The following MAPK9 variants were observed in gnomAD, a reference collection of about 807,000 sequenced individuals.
MAPK9 encodes mitogen-activated protein kinase 9.
A neutral mutation model predicts 57.1 loss-of-function variants in MAPK9; 30 were observed. That is an observed-to-expected ratio of 0.53 (90% CI 0.39 to 0.71). The LOEUF is 0.71. Among genes scored for constraint, MAPK9 ranks in the 30% least tolerant of loss-of-function variants. The pLI is 0.00. For missense variants in MAPK9, 362 were observed against 521.0 expected, an observed-to-expected ratio of 0.69 and a Z score of 2.97; for synonymous variants, 155 against 177.0, an observed-to-expected ratio of 0.88 and a Z score of 0.99.
In MAPK9 at chr5:180,249,113, A is replaced by G; in HGVS notation, c.476T>C (p.Val159Ala). 1 of 1,610,914 alleles carries G rather than the reference A, an allele frequency of 6.2e-7. No homozygotes were observed. The highest frequency in any genetic ancestry group is 1.1e-5 in the South Asian group (1 of 90,406). The change falls in exon 6 of 12, where the codon GTG becomes GCG. Residue 159 changes from valine (V) to alanine (A), a missense_variant. Coordinates refer to ENST00000452135, the MANE Select transcript of MAPK9 (RefSeq NM_002752.5). ...HRDLKPSNIV[V>A]KSDCTLKILD... ...GATCTTCAGGGTGCAGTCTGATTTC[A>G]CAACAATGTTGCTAGGCTTCAAATC...
chr5:180,286,586 G>T (rs1762791631), intron 1 of MAPK9, among the ~76,000 whole-genome samples: 1 of 151,692 alleles, frequency 6.6e-6, no homozygotes, highest in Non-Finnish European at 1.5e-5. Context: ...CTAGCATTTG[G>T]TTATCACTTC....
chr5:180,262,427 T>A (rs1760075595), intron 4 of MAPK9, among the ~76,000 whole-genome samples: 1 of 152,102 alleles, frequency 6.6e-6, no homozygotes, highest in South Asian at 2.1e-4. Context: ...TCCCTTCTTT[T>A]TATTTTTTAA....
chr5:180,277,556 C>A (rs1761935142), intron 2 of MAPK9, among the ~76,000 whole-genome samples: 1 of 152,180 alleles, frequency 6.6e-6, no homozygotes, highest in Admixed American at 6.5e-5. Flanking sequence ...AAGAAATATA[C>A]AAATTCCAGG....
intron 5 of MAPK9, chr5:180,253,647 G>A (rs1758941284): frequency 6.6e-6 from 1 of 152,228 alleles, no homozygotes; most frequent in African/African-American, 2.4e-5. Context: ...CAGCTTCCAG[G>A]TGCAGGGCCA....
intron 9 of MAPK9, 115 bp from the exon 10 acceptor site, chr5:180,240,102 T>C (rs1757525198): frequency 5.5e-6 from 4 of 721,844 alleles, no homozygotes; most frequent in Non-Finnish European, 9.6e-6. Context: ...GGATTTAGTT[T>C]AATTCAACAC....
chr5:180,261,022 G>A (rs550484311), intron 5 of MAPK9, among the ~76,000 whole-genome samples: 3 of 152,034 alleles, frequency 2.0e-5, no homozygotes, highest in Non-Finnish European at 4.4e-5. Flanking sequence ...AATCAGCTTA[G>A]AGAGAATTAT....
At chr5:180,256,486 C>G (rs751890860) in intron 5 of MAPK9, among the ~76,000 whole-genome samples, 84 of 152,244 alleles carry the variant, frequency 5.5e-4, no homozygotes, top group Non-Finnish European at 1.1e-3. Context: ...AGTGAGCATG[C>G]ATCACTCTCC....
chr5:180,290,667 A>G (rs2127638060), intron 1 of MAPK9, among the ~76,000 whole-genome samples: 2 of 152,394 alleles, frequency 1.3e-5, no homozygotes, highest in African/African-American at 4.8e-5. Flanking sequence ...GGTCAAGGAC[A>G]CCAAAATGTT....
Position 180,239,976 on chromosome 5 carries a change from T to A in MAPK9, c.1008A>T (p.Gln336His). The change falls in exon 10 of 12, where the codon CAA becomes CAT. Residue 336 changes from glutamine (Q) to histidine (H), a missense_variant. Physicochemically the swap from Gln to His is conservative, Grantham distance 24. This residue lies in a region of MAPK9 where 199 missense variants were observed against 251.3 expected (regional missense o/e 0.79). Coordinates refer to ENST00000452135, the MANE Select transcript of MAPK9 (RefSeq NM_002752.5). Reference protein sequence around the residue: ...DPAEAEAPPPQIYDAQLEERE... With the variant: ...DPAEAEAPPPHIYDAQLEERE... Reference sequence around the variant, plus strand: ...TTTCTTCCAACTGGGCATCATAAATTTGAGGTGGTGGCTAAAAATTAAATC... The same window carrying A: ...TTTCTTCCAACTGGGCATCATAAATATGAGGTGGTGGCTAAAAATTAAATC... 1 of 1,613,464 alleles carries A rather than the reference T, an allele frequency of 6.2e-7. No individual in the cohort carries two copies. The highest frequency in any genetic ancestry group is 8.5e-7 in the Non-Finnish European group (1 of 1,179,850).
At chr5:180,277,166 G>A (rs898280272) in intron 2 of MAPK9, among the ~76,000 whole-genome samples, 1 of 152,204 alleles carries the variant, frequency 6.6e-6, no homozygotes, top group Admixed American at 6.5e-5. Context: ...ACACATGCTT[G>A]TGAATTAGTT....
intron 1 of MAPK9, among the ~76,000 whole-genome samples, chr5:180,283,951 T>A (rs190925560): frequency 1.3e-5 from 2 of 152,108 alleles, no homozygotes; most frequent in East Asian, 3.9e-4. Flanking sequence ...CAAAAAGATT[T>A]AAAATAATTA....
Position 180,249,013 on chromosome 5 carries a change from C to A in MAPK9, c.576G>T (p.Arg192=), listed in dbSNP as rs759117062. The change falls in exon 6 of 12, where the codon CGG becomes CGT. Residue 192 remains arginine (R), a synonymous_variant. Transcript: ENST00000452135. The part of the protein sequence containing the change: ...MTPYVVTRYY[R]APEVILGMGY... ...CCATACCCAGGATGACTTCGGGCGCCCGGTAGTACCGTGTCACCACGTAAG... is the reference window on the plus strand; with the variant it reads ...CCATACCCAGGATGACTTCGGGCGCACGGTAGTACCGTGTCACCACGTAAG... The A allele has an allele frequency of 1.2e-6, 2 of 1,613,538 alleles. No homozygotes were observed. The highest frequency in any genetic ancestry group is 1.7e-5 in the Admixed American group (1 of 59,914).
intron 5 of MAPK9, chr5:180,253,480 T>C (rs1005400160): frequency 3.9e-5 from 6 of 152,342 alleles, no homozygotes; most frequent in Admixed American, 6.5e-5. Flanking sequence ...GCAGGTGCTA[T>C]GGAGGCAGAA....
chr5:180,269,240 C>T (rs755606126), intron 3 of MAPK9, 40 bp downstream of exon 3: 19 of 1,588,834 alleles, frequency 1.2e-5, no homozygotes, highest in Non-Finnish European at 1.6e-5. Flanking sequence ...ACATTATTGA[C>T]AATATGGAAG....
rs553626801 is a variant in MAPK9, at chr5:180,267,062, T to C, written c.252+2218A>G. 3.3e-5 allele frequency among the ~76,000 whole-genome samples: 5 copies of C among 152,262 alleles called. No individual in the cohort carries two copies. The South Asian group carries it at 6.2e-4, about 19-fold the overall frequency. On this transcript the variant is annotated intron_variant, in intron 3 of 11. Transcript: ENST00000452135. ...TTAAAGTATATGAGGTCTACCAACA[T>C]TGCACGAGGAGAAAAGCAGGATGAA...
intron 7 of MAPK9, among the ~76,000 whole-genome samples, chr5:180,243,788 C>T (rs1321510254): frequency 1.3e-5 from 2 of 152,208 alleles, no homozygotes; most frequent in Non-Finnish European, 2.9e-5. Flanking sequence ...ATTATGCCCA[C>T]ATTTTATTTA....
At chr5:180,254,413 C>T (rs907384261) in intron 5 of MAPK9, among the ~76,000 whole-genome samples, 1 of 152,088 alleles carries the variant, frequency 6.6e-6, no homozygotes, top group Non-Finnish European at 1.5e-5. Context: ...AAAGCTTATC[C>T]TCAGAGATGA....
At chr5:180,242,835 T>C in intron 7 of MAPK9, 80 bp from the exon 8 acceptor site, 2 of 1,126,914 alleles carry the variant, frequency 1.8e-6, no homozygotes, top group South Asian at 1.7e-5. Flanking sequence ...GAATAATATT[T>C]AAACCTATCG....
chr5:180,268,659 C>T (rs1760932920), intron 3 of MAPK9, among the ~76,000 whole-genome samples: 1 of 151,964 alleles, frequency 6.6e-6, no homozygotes, highest in African/African-American at 2.4e-5. Context: ...AACCCTGTCT[C>T]TCCTAAAAAT....
Sources: allele counts gnomAD v4.1 joint callset (sites outside exome capture counted in the v4.1 genomes callset), GRCh38; gene constraint gnomAD v4.1.1; regional missense constraint gnomAD v4.1.1; transcripts MANE v1.5; gene names NCBI Gene and HGNC (gene_info 2026-07-23, HGNC 2026-07-21).